ASB13: variants seen among roughly 807,000 people sequenced by gnomAD.
ASB13 encodes the protein ankyrin repeat and SOCS box containing 13.
Under a neutral mutation model 28.8 loss-of-function variants are expected in ASB13, and 33 were observed. That is an observed-to-expected ratio of 1.15 (90% CI 0.87 to 1.53). ASB13 has a LOEUF of 1.53. Ranked by LOEUF, ASB13 falls within the 40% of genes most tolerant of loss-of-function variation. ASB13 has a pLI of 0.00. For synonymous variants in ASB13, 182 were observed against 172.9 expected, an observed-to-expected ratio of 1.05 and a Z score of -0.41; for missense variants, 414 against 390.1, an observed-to-expected ratio of 1.06 and a Z score of -0.52.
chr10:5,642,331 C>T lies in ASB13; in HGVS notation c.518-370G>A. On this transcript the variant is annotated intron_variant, in intron 4 of 5. Coordinates refer to ENST00000357700, the MANE Select transcript of ASB13 (RefSeq NM_024701.4). The surrounding 1 kb of genome is among the most constrained non-coding windows in gnomAD (Gnocchi z 4.1). The stretch of plus-strand genomic sequence containing the variant: ...TCAAACCAGAGCCACTCAAGCACTC[C>T]CGCCTGGCCTCCAGCACAGACACAC... 1 of 366,198 alleles carries T rather than the reference C, an allele frequency of 2.7e-6. No homozygotes were observed. Among genetic ancestry groups the T allele is most frequent in the Non-Finnish European group, 4.4e-6 (1 of 226,398 alleles). The allele number at this position is 366,198 out of a possible 1,614,324, so 22.7% of individuals were successfully genotyped here. A position where few individuals can be genotyped will look rare whatever the true frequency, so the allele number is the denominator to read the frequency against.
Position 5,664,254 on chromosome 10 carries a change from G to C in ASB13, c.43+2255C>G, listed in dbSNP as rs1835220170. 7.0e-6 allele frequency among the ~76,000 whole-genome samples: 1 copy of C among 142,340 alleles called. No individual in the cohort carries two copies. Among genetic ancestry groups the C allele is most frequent in the Admixed American group, 7.0e-5 (1 of 14,248 alleles). 93.4% of individuals were successfully genotyped at this position (142,340 alleles called of 152,430 possible). ...ACCCCCACCCCGGCTTCCCAGAGCA[G>C]CAGCAGGCAGAGCTGGAAGACCCAA... On this transcript the variant is annotated intron_variant, in intron 1 of 5. Coordinates refer to ENST00000357700, the MANE Select transcript of ASB13 (RefSeq NM_024701.4). This position sits in a 1 kb window ranked among gnomAD's most constrained non-coding sequence, Gnocchi z 4.2.
rs1835264071 is a variant in ASB13, at chr10:5,666,530, C to T, written c.22G>A (p.Gly8Ser). The change falls in exon 1 of 6, where the codon GGC becomes AGC. Residue 8 changes from glycine to serine, a missense_variant. Transcript: ENST00000357700. Reference protein sequence around the residue: MEPRAADGCFLGDVGFWV... With the variant: MEPRAADSCFLGDVGFWV... The stretch of plus-strand genomic sequence containing the variant: ...GTACCCACGTCGCCCAGGAAGCAGC[C>T]GTCCGCCGCCCGGGGCTCCATGCGG... 8 of 1,261,188 alleles carry T rather than the reference C, an allele frequency of 6.3e-6. No homozygotes were observed. The highest frequency in any genetic ancestry group is 3.1e-4 in the Middle Eastern group (1 of 3,256). The allele number at this position is 1,261,188 out of a possible 1,614,324, so 78.1% of individuals were successfully genotyped here.
intron 1 of ASB13, among the ~76,000 whole-genome samples, chr10:5,666,093 G>T (rs1487774046): frequency 1.3e-5 from 2 of 152,180 alleles, no homozygotes; most frequent in African/African-American, 4.8e-5. Flanking sequence ...CCAGTGGAGG[G>T]GGGTTTAGCT....
chr10:5,662,013 G>A (rs576511323), intron 1 of ASB13, among the ~76,000 whole-genome samples: 7 of 152,200 alleles, frequency 4.6e-5, no homozygotes, highest in African/African-American at 1.7e-4. Context: ...GGGCTGGGGC[G>A]GGCGAGCACA....
Position 5,640,186 on chromosome 10 carries a change from C to A in ASB13, c.*517G>T. ...ACAGCAGCCAGCAGAGCAGCAGTCC[C>A]AGGCCACATCCCAGGCCGACCTTCC... is the stretch of plus-strand genomic sequence containing the variant. On this transcript the variant is annotated 3_prime_UTR_variant, in exon 6 of 6. Transcript: ENST00000357700. 6.4e-6 allele frequency: 1 copy of A among 155,204 alleles called. No individual in the cohort carries two copies. Among genetic ancestry groups the A allele is most frequent in the East Asian group, 1.9e-4 (1 of 5,248 alleles). The allele number at this position is 155,204 out of a possible 1,614,324, so 9.6% of individuals were successfully genotyped here.
rs1435221672 is a variant in ASB13, at chr10:5,642,909, G to A, written c.518-948C>T. 2.0e-5 allele frequency among the ~76,000 whole-genome samples: 3 copies of A among 152,010 alleles called. No homozygotes were observed. Among genetic ancestry groups the A allele is most frequent in the South Asian group, 2.1e-4 (1 of 4,808 alleles). The stretch of plus-strand genomic sequence containing the variant: ...TGAGCCACCACACCTGGTCACATAT[G>A]GCATTTTGCAACACACTAAAAAAAA... On this transcript the variant is annotated intron_variant, in intron 4 of 5. Coordinates refer to ENST00000357700, the MANE Select transcript of ASB13 (RefSeq NM_024701.4). This position sits in a 1 kb window ranked among gnomAD's most constrained non-coding sequence, Gnocchi z 4.1.
Position 5,655,435 on chromosome 10 carries a change from T to C in ASB13, c.44-2385A>G, listed in dbSNP as rs1835055256. Reference sequence around the variant, plus strand: ...GAAATAGGTAGATGCACTTAAAGGGTGGGGCCTGGCACCGAATCAGTGCTC... The same window carrying C: ...GAAATAGGTAGATGCACTTAAAGGGCGGGGCCTGGCACCGAATCAGTGCTC... On this transcript the variant is annotated intron_variant, in intron 1 of 5. Coordinates refer to ENST00000357700, the MANE Select transcript of ASB13 (RefSeq NM_024701.4). This position sits in a 1 kb window ranked among gnomAD's most constrained non-coding sequence, Gnocchi z 6.2. 6.6e-6 allele frequency among the ~76,000 whole-genome samples: 1 copy of C among 152,168 alleles called. No individual in the cohort carries two copies. The highest frequency in any genetic ancestry group is 1.5e-5 in the Non-Finnish European group (1 of 68,034).
chr10:5,642,499 A>G lies in ASB13; in HGVS notation c.518-538T>C. The G allele has an allele frequency of 3.3e-6, 4 of 1,214,394 alleles. No homozygotes were observed. The highest frequency in any genetic ancestry group is 4.2e-6 in the Non-Finnish European group (4 of 960,966). The allele number at this position is 1,214,394 out of a possible 1,614,324, so 75.2% of individuals were successfully genotyped here. On this transcript the variant is annotated intron_variant, in intron 4 of 5. Transcript: ENST00000357700. The surrounding 1 kb of genome is among the most constrained non-coding windows in gnomAD (Gnocchi z 4.1). ...CAAAACAGTAGGCAATTCAGAGAAGAGAGTAAGCTCTGCACTCCTCAACTT... is the reference window on the plus strand; with the variant it reads ...CAAAACAGTAGGCAATTCAGAGAAGGGAGTAAGCTCTGCACTCCTCAACTT...
Position 5,663,873 on chromosome 10 carries a change from T to C in ASB13, c.43+2636A>G, listed in dbSNP as rs561706249. Among the ~76,000 whole-genome samples the C allele has an allele frequency of 6.6e-6, 1 of 152,252 alleles. No homozygotes were observed. The highest frequency in any genetic ancestry group is 1.5e-5 in the Non-Finnish European group (1 of 68,014). On this transcript the variant is annotated intron_variant, in intron 1 of 5. Coordinates refer to ENST00000357700, the MANE Select transcript of ASB13 (RefSeq NM_024701.4). The surrounding 1 kb of genome is among the most constrained non-coding windows in gnomAD (Gnocchi z 4.9). ...TGCCCTGGACTGCTACCCTAGTGGA[T>C]TCTCCCTCTCCCCGCTCTGACACTG...
rs185493574 is a variant in ASB13 at position 5,640,829 on chromosome 10, C to T, written c.711G>A (p.Lys237=). ...APAKCFEYYE[K]TPLTLSQLCR... Reference sequence around the variant, plus strand: ...AGAGCTGTGACAGAGTCAGAGGTGTCTCTGAAAAAGGGAGCAAGGAAGGAT... The same window carrying T: ...AGAGCTGTGACAGAGTCAGAGGTGTTTCTGAAAAAGGGAGCAAGGAAGGAT... Residue 237 remains lysine, a splice_region_variant and synonymous_variant, in exon 6 of 6, where the codon AAG becomes AAA. Coordinates refer to ENST00000357700, the MANE Select transcript of ASB13 (RefSeq NM_024701.4). 2 of 1,613,174 alleles carry T rather than the reference C, an allele frequency of 1.2e-6. No individual in the cohort carries two copies. Among genetic ancestry groups the T allele is most frequent in the East Asian group, 4.5e-5 (2 of 44,874 alleles).
intron 1 of ASB13, among the ~76,000 whole-genome samples, chr10:5,665,105 C>T (rs890314527): frequency 3.3e-5 from 5 of 152,220 alleles, no homozygotes; most frequent in African/African-American, 1.2e-4. Context: ...GATCCACCTG[C>T]CTCGGCCTCC....
rs1835129012 is a variant in ASB13 at position 5,659,674 on chromosome 10, C to A, written c.44-6624G>T. Among the ~76,000 whole-genome samples, 1 of 151,954 alleles carries A rather than the reference C, an allele frequency of 6.6e-6. No homozygotes were observed. Among genetic ancestry groups the A allele is most frequent in the African/African-American group, 2.4e-5 (1 of 41,352 alleles). On this transcript the variant is annotated intron_variant, in intron 1 of 5. Transcript: ENST00000357700. The surrounding 1 kb of genome is among the most constrained non-coding windows in gnomAD (Gnocchi z 5.8). ...CATGCAGCCCACCCCCCCACGCCAT[C>A]TCCACACTATTGCCCCACCACCAGC...
chr10:5,643,856 G>C (rs1834843535), intron 4 of ASB13, among the ~76,000 whole-genome samples: 1 of 152,220 alleles, frequency 6.6e-6, no homozygotes, highest in African/African-American at 2.4e-5. Flanking sequence ...AGAGGCCCAA[G>C]GGAGGCACAG....
Position 5,653,497 on chromosome 10 carries a change from G to A in ASB13, c.44-447C>T, listed in dbSNP as rs752638364. Among the ~76,000 whole-genome samples the A allele has an allele frequency of 1.1e-4, 16 of 152,092 alleles. No homozygotes were observed. The East Asian group carries it at 1.3e-3, about 13-fold the overall frequency. On this transcript the variant is annotated intron_variant, in intron 1 of 5. Coordinates refer to ENST00000357700, the MANE Select transcript of ASB13 (RefSeq NM_024701.4). Reference sequence around the variant, plus strand: ...CTTCCCACAATGCTCACGCACACACGCTCAGACCCCTGCATTTACAGTGTC... The same window carrying A: ...CTTCCCACAATGCTCACGCACACACACTCAGACCCCTGCATTTACAGTGTC...
rs56802263 is a variant in ASB13, at chr10:5,642,653, G to GTTT, written c.518-695_518-693dup. 0.019 allele frequency: 6,602 copies of GTTT among 351,284 alleles called. 3 individuals carry two copies. Among genetic ancestry groups the GTTT allele is most frequent in the South Asian group, 0.037 (1,388 of 37,560 alleles). 21.8% of individuals were successfully genotyped at this position (351,284 alleles called of 1,614,324 possible). A position where few individuals can be genotyped will look rare whatever the true frequency, so the allele number is the denominator to read the frequency against. On this transcript the variant is annotated intron_variant, in intron 4 of 5. Coordinates refer to ENST00000357700, the MANE Select transcript of ASB13 (RefSeq NM_024701.4). This position sits in a 1 kb window ranked among gnomAD's most constrained non-coding sequence, Gnocchi z 4.1. ...AGTAGCTAAATATGGCTGGTTTTGG[G>GTTT]TTTTTTTTTTTGAGACAGAGTCTCA...
rs202180583 is a variant in ASB13, at chr10:5,662,637, A to AG, written c.43+3871dup. ...AGAAGAGAAGAGAAGAGAAGAGAAG[A>AG]GATGAGATCCTGGATGATTAACACT... On this transcript the variant is annotated intron_variant, in intron 1 of 5. Coordinates refer to ENST00000357700, the MANE Select transcript of ASB13 (RefSeq NM_024701.4). Among the ~76,000 whole-genome samples, 107 of 144,860 alleles carry AG rather than the reference A, an allele frequency of 7.4e-4. 9 individuals are homozygous for AG. In the South Asian group the frequency reaches 0.01, roughly 14 times the overall value.
Position 5,651,553 on chromosome 10 carries a change from A to G in ASB13, c.232-190T>C. On this transcript the variant is annotated intron_variant, in intron 2 of 5. Coordinates refer to ENST00000357700, the MANE Select transcript of ASB13 (RefSeq NM_024701.4). This position sits in a 1 kb window ranked among gnomAD's most constrained non-coding sequence, Gnocchi z 5.1. ...GGAGCACCGACGGCCTCCTGAGTAG[A>G]GAAGTCATCTCGTTCAGGATTCTTT... 1.7e-6 allele frequency: 1 copy of G among 596,150 alleles called. No individual in the cohort carries two copies. The highest frequency in any genetic ancestry group is 2.2e-5 in the South Asian group (1 of 45,868). 36.9% of individuals were successfully genotyped at this position (596,150 alleles called of 1,614,324 possible). A position where few individuals can be genotyped will look rare whatever the true frequency, so the allele number is the denominator to read the frequency against.
chr10:5,647,947 A>C (rs1834909945), intron 4 of ASB13, among the ~76,000 whole-genome samples: 1 of 151,844 alleles, frequency 6.6e-6, no homozygotes, highest in Non-Finnish European at 1.5e-5. Flanking sequence ...TAAATCCATA[A>C]ATACACACTC....
At position 5,660,813 on chromosome 10, in the gene ASB13, G is replaced by A. The variant is rs1835147547; in HGVS notation, c.43+5696C>T. Among the ~76,000 whole-genome samples the A allele has an allele frequency of 6.6e-6, 1 of 152,114 alleles. No homozygotes were observed. The highest frequency in any genetic ancestry group is 6.6e-5 in the Admixed American group (1 of 15,260). ...TTACCTAAGTCGGGTGACTGATTGA[G>A]TCTCTGCCCAATTTTTCTGCTCAGT... On this transcript the variant is annotated intron_variant, in intron 1 of 5. Coordinates refer to ENST00000357700, the MANE Select transcript of ASB13 (RefSeq NM_024701.4). The surrounding 1 kb of genome is among the most constrained non-coding windows in gnomAD (Gnocchi z 6.1).
Sources: allele counts gnomAD v4.1 joint callset (sites outside exome capture counted in the v4.1 genomes callset), GRCh38; gene constraint gnomAD v4.1.1; non-coding constraint Gnocchi (gnomAD v3.1); transcripts MANE v1.5; gene names NCBI Gene and HGNC (gene_info 2026-07-23, HGNC 2026-07-21).